Variants in MRE11 observed in about 807,000 individuals in gnomAD.
MRE11 encodes MRE11 double strand break repair nuclease.
Under a neutral mutation model 91.7 loss-of-function variants are expected in MRE11, and 62 were observed. The ratio of observed to expected loss-of-function variants is 0.68; its 90% confidence interval spans 0.55 to 0.84. MRE11 has a LOEUF of 0.84. Among genes scored for constraint, MRE11 ranks in the 40% least tolerant of loss-of-function variants. MRE11 has a pLI of 0.00. For synonymous variants in MRE11, 273 were observed against 271.4 expected, an observed-to-expected ratio of 1.01 and a Z score of -0.06; for missense variants, 796 against 852.9, an observed-to-expected ratio of 0.93 and a Z score of 0.83.
chr11:94,465,577 G>A (rs1005345795), intron 10 of MRE11, among the ~76,000 whole-genome samples: 1 of 151,648 alleles, frequency 6.6e-6, no homozygotes. Context: ...TTTATTTTTA[G>A]TAGAGACAGG....
chr11:94,490,501 T>C (rs1226849359), intron 3 of MRE11, among the ~76,000 whole-genome samples: 1 of 152,246 alleles, frequency 6.6e-6, no homozygotes, highest in African/African-American at 2.4e-5. Flanking sequence ...TTGTGGATAT[T>C]TGTCTTTCAC....
chr11:94,486,136 T>C, intron 3 of MRE11, 52 bp from the exon 4 acceptor site: 1 of 1,585,512 alleles, frequency 6.3e-7, no homozygotes, highest in South Asian at 1.1e-5. Context: ...GGTAAAATTT[T>C]TGTAAACTAC....
upstream of MRE11, among the ~76,000 whole-genome samples, chr11:94,494,545 A>G (rs1161669083): frequency 6.6e-6 from 1 of 152,154 alleles, no homozygotes; most frequent in African/African-American, 2.4e-5. Context: ...GAGTTGACAT[A>G]GTTCGGATCT....
At chr11:94,440,792 C>T (rs1945759391) in intron 16 of MRE11, among the ~76,000 whole-genome samples, 2 of 152,128 alleles carry the variant, frequency 1.3e-5, no homozygotes, top group Admixed American at 6.6e-5. Flanking sequence ...TCTCCTTTCC[C>T]CCACTTTCTA....
intron 19 of MRE11, among the ~76,000 whole-genome samples, chr11:94,427,275 A>G (rs1333990583): frequency 1.3e-5 from 2 of 152,242 alleles, no homozygotes; most frequent in African/African-American, 4.8e-5. Flanking sequence ...CCACAAAAGC[A>G]GAATTAAAAA....
Position 94,417,419 on chromosome 11 carries a change from A to G in MRE11, c.*2706T>C, listed in dbSNP as rs916839100. 9.5e-5 allele frequency: 22 copies of G among 232,540 alleles called. No homozygotes were observed. Among genetic ancestry groups the G allele is most frequent in the Non-Finnish European group, 1.9e-4 (22 of 117,696 alleles). The allele number at this position is 232,540 out of a possible 1,614,324, so 14.4% of individuals were successfully genotyped here. A position where few individuals can be genotyped will look rare whatever the true frequency, so the allele number is the denominator to read the frequency against. ...CATAACAGGCTGAACCAAATGAAAT[A>G]CCTAAGTAAAGCAAATTACATGATT... On this transcript the variant is annotated 3_prime_UTR_variant, in exon 20 of 20. Coordinates refer to ENST00000323929, the MANE Select transcript of MRE11 (RefSeq NM_005591.4).
intron 1 of MRE11, among the ~76,000 whole-genome samples, chr11:94,493,331 C>G (rs1044857031): frequency 2.0e-5 from 3 of 152,098 alleles, no homozygotes; most frequent in African/African-American, 7.2e-5. Context: ...TTTTAAAGGA[C>G]CTGGCTAGTT....
the MRE11 span, among the ~76,000 whole-genome samples, chr11:94,500,074 A>T: frequency 6.6e-6 from 1 of 152,106 alleles, no homozygotes; most frequent in Non-Finnish European, 1.5e-5. Flanking sequence ...ATCTGGCCTA[A>T]GTTAGTGGCA....
At chr11:94,425,999 A>C (rs1462594080) in intron 19 of MRE11, among the ~76,000 whole-genome samples, 2 of 152,160 alleles carry the variant, frequency 1.3e-5, no homozygotes, top group African/African-American at 4.8e-5. Flanking sequence ...GCTACAAAAT[A>C]CTTCATCCAG....
In MRE11 at chr11:94,426,677, A is replaced by T. The variant is rs148925440; in HGVS notation, c.2070+3234T>A. Among the ~76,000 whole-genome samples the T allele has an allele frequency of 2.6e-5, 4 of 152,270 alleles. No individual in the cohort carries two copies. The East Asian group carries it at 7.7e-4, about 29-fold the overall frequency. ...GGCTGCTAGCTAGATTAACAAAGGAAAAAGAGAAGATCCAACTAAGTACAA... is the reference window on the plus strand; with the variant it reads ...GGCTGCTAGCTAGATTAACAAAGGATAAAGAGAAGATCCAACTAAGTACAA... On this transcript the variant is annotated intron_variant, in intron 19 of 19. Transcript: ENST00000323929.
At chr11:94,424,359 C>T (rs1305645607) in intron 19 of MRE11, among the ~76,000 whole-genome samples, 3 of 152,178 alleles carry the variant, frequency 2.0e-5, no homozygotes, top group Non-Finnish European at 4.4e-5. Context: ...GGCCAGTTGA[C>T]TATACTCGAC....
rs1482890077 is a variant in MRE11 at position 94,486,065 on chromosome 11, C to A, written c.173G>T (p.Gly58Val). The A allele has an allele frequency of 6.2e-7, 1 of 1,613,484 alleles. No homozygotes were observed. ...CTTATTTTCATGAAAAAGATCACCA[C>A]CTAACAAAATAAAATCCACCTGATC... ...QENEVDFILL[G>V]GDLFHENKPS... The change falls in exon 4 of 20, where the codon GGT becomes GTT. Residue 58 changes from glycine to valine, a missense_variant. Coordinates refer to ENST00000323929, the MANE Select transcript of MRE11 (RefSeq NM_005591.4).
chr11:94,427,321 A>G (rs1945350096), intron 19 of MRE11, among the ~76,000 whole-genome samples: 1 of 152,186 alleles, frequency 6.6e-6, no homozygotes, highest in Admixed American at 6.5e-5. Context: ...GACACAGAGA[A>G]AGCTTTTGAT....
the MRE11 span, among the ~76,000 whole-genome samples, chr11:94,510,246 CTA>C: frequency 6.6e-6 from 1 of 152,200 alleles, no homozygotes; most frequent in African/African-American, 2.4e-5. Context: ...AGTAATTTCT[CTA>C]TTTTATCTAA....
intron 3 of MRE11, among the ~76,000 whole-genome samples, chr11:94,489,210 T>C (rs1162595241): frequency 6.6e-6 from 1 of 151,456 alleles, no homozygotes; most frequent in Non-Finnish European, 1.5e-5. Flanking sequence ...AGGGAAGACG[T>C]CTCCAAAAAG....
In MRE11 at chr11:94,428,267, T is replaced by C. The variant is rs1394836075; in HGVS notation, c.2070+1644A>G. Among the ~76,000 whole-genome samples the C allele has an allele frequency of 2.0e-5, 3 of 152,212 alleles. No individual in the cohort carries two copies. In the East Asian group the frequency reaches 5.8e-4, roughly 29 times the overall value. On this transcript the variant is annotated intron_variant, in intron 19 of 19. Transcript: ENST00000323929. ...TCTACAGCCATCTGATCTTTGACAA[T>C]GCTGACAAAAACAAGCAATGGAGAA...
intron 7 of MRE11, 65 bp from the exon 8 acceptor site, chr11:94,471,824 T>C: frequency 1.6e-6 from 2 of 1,266,736 alleles, no homozygotes; most frequent in Non-Finnish European, 2.2e-6. Context: ...TTGAAGTCTA[T>C]ACAGATCTTT....
chr11:94,508,909 G>T, the MRE11 span, among the ~76,000 whole-genome samples: 1 of 151,894 alleles, frequency 6.6e-6, no homozygotes, highest in Non-Finnish European at 1.5e-5. Context: ...TTACAGGCAC[G>T]CACCACCACA....
upstream of MRE11, chr11:94,497,236 C>T: frequency 1.9e-6 from 1 of 521,730 alleles, no homozygotes; most frequent in Non-Finnish European, 3.4e-6. Context: ...TGGAAACTAA[C>T]ATTTATTAAA....
Sources: gnomAD v4.1 joint callset for allele counts (sites outside exome capture counted in the v4.1 genomes callset) on GRCh38, gnomAD v4.1.1 for gene constraint, MANE v1.5 for transcripts, NCBI Gene and HGNC (gene_info 2026-07-23, HGNC 2026-07-21) for gene names.